The following CCDC6 variants were observed in gnomAD, a reference collection of about 807,000 sequenced individuals.
CCDC6 encodes the protein coiled-coil domain-containing protein 6.
Under a neutral mutation model 56.6 loss-of-function variants are expected in CCDC6, and 20 were observed. The observed-to-expected ratio is 0.35, with a 90% CI of 0.25 to 0.51. CCDC6 has a LOEUF of 0.51. Ranked by LOEUF, CCDC6 falls within the 20% of genes least tolerant of loss-of-function variation. The probability of loss-of-function intolerance (pLI) is 0.95; values close to 1 mark genes in which losing one functional copy is unlikely to be tolerated. For missense variants in CCDC6, 367 were observed against 601.1 expected (o/e 0.61, Z 4.07); for synonymous variants, 241 against 234.4 (o/e 1.03, Z -0.26).
intron 1 of CCDC6, among the ~76,000 whole-genome samples, chr10:59,861,432 C>CAAAAAAAAAA (rs55716341): frequency 1.0e-4 from 9 of 88,928 alleles, no homozygotes; most frequent in Admixed American, 1.4e-4. Context: ...CAAAAATTAC[C>CAAAAAAAAAA]AAAAAAAAAA....
chr10:59,862,345 A>G (rs1170409821), intron 1 of CCDC6, among the ~76,000 whole-genome samples: 2 of 151,482 alleles, frequency 1.3e-5, no homozygotes, highest in Admixed American at 1.3e-4. Context: ...AAAATTAACC[A>G]GGCACGGTGG....
chr10:59,875,503 G>A (rs1429536856), intron 1 of CCDC6, among the ~76,000 whole-genome samples: 1 of 152,098 alleles, frequency 6.6e-6, no homozygotes, highest in Non-Finnish European at 1.5e-5. Context: ...CCTTTTTTAT[G>A]TTTCTATCTG....
At chr10:59,862,540 CACACACACACACACACAT>C (rs2071140809) in intron 1 of CCDC6, among the ~76,000 whole-genome samples, 1 of 112,270 alleles carries the variant, frequency 8.9e-6, no homozygotes, top group South Asian at 3.0e-4. Context: ...CACACACACA[CACACACACACACACACAT>C]ATATATACAC....
chr10:59,845,372 G>A (rs1188017991), intron 2 of CCDC6, among the ~76,000 whole-genome samples: 22 of 114,194 alleles, frequency 1.9e-4, no homozygotes, highest in Non-Finnish European at 3.6e-4. Context: ...TTTTTTTTGG[G>A]ATGTTAGCAC....
Position 59,789,152 on chromosome 10 carries a change from C to T in CCDC6, c.*3765G>A. ...ATGCATTCTTAAACTGTTGTGCCTG[C>T]AACTTTGTTTTTGCCAGGATGAAGT... On this transcript the variant is annotated 3_prime_UTR_variant, in exon 9 of 9. Coordinates refer to ENST00000263102, the MANE Select transcript of CCDC6 (RefSeq NM_005436.5). 4.3e-6 allele frequency: 1 copy of T among 229,928 alleles called. No individual in the cohort carries two copies. Among genetic ancestry groups the T allele is most frequent in the Admixed American group, 5.7e-5 (1 of 17,688 alleles). 14.2% of individuals were successfully genotyped at this position (229,928 alleles called of 1,614,324 possible). A position where few individuals can be genotyped will look rare whatever the true frequency, so the allele number is the denominator to read the frequency against.
At chr10:59,858,807 G>A (rs1318418286) in intron 1 of CCDC6, among the ~76,000 whole-genome samples, 2 of 152,198 alleles carry the variant, frequency 1.3e-5, no homozygotes, top group African/African-American at 2.4e-5. Flanking sequence ...AAATGTTTAC[G>A]CTGGATTTAT....
At chr10:59,880,217 T>A (rs923919201) in intron 1 of CCDC6, among the ~76,000 whole-genome samples, 5 of 152,022 alleles carry the variant, frequency 3.3e-5, no homozygotes, top group African/African-American at 1.2e-4. Context: ...CAGACCACGA[T>A]GACACCGAGA....
intron 1 of CCDC6, among the ~76,000 whole-genome samples, chr10:59,859,193 T>TGCGC (rs1467508196): frequency 1.6e-4 from 19 of 118,134 alleles, no homozygotes; most frequent in African/African-American, 5.8e-4. Context: ...AAAATACATG[T>TGCGC]GTGTGCGTGT....
intron 2 of CCDC6, among the ~76,000 whole-genome samples, chr10:59,843,530 A>G (rs559352758): frequency 2.1e-3 from 324 of 152,338 alleles, no homozygotes; most frequent in African/African-American, 7.0e-3. Flanking sequence ...GCTTTATAGT[A>G]TACGCCCGGT....
intron 3 of CCDC6, among the ~76,000 whole-genome samples, chr10:59,821,952 T>TA (rs947483549): frequency 6.6e-6 from 1 of 152,160 alleles, no homozygotes; most frequent in Admixed American, 6.5e-5. Flanking sequence ...TATCTAATCT[T>TA]AAAAAAACTG....
chr10:59,814,735 G>A lies in CCDC6; in HGVS notation c.603C>T (p.Asp201=), dbSNP rs759605511. 49 of 1,611,282 alleles carry A rather than the reference G, an allele frequency of 3.0e-5. No homozygotes were observed. In the East Asian group the frequency reaches 7.8e-4, roughly 26 times the overall value. Residue 201 remains aspartate, a synonymous_variant, in exon 4 of 9, where the codon GAC becomes GAT. Coordinates refer to ENST00000263102, the MANE Select transcript of CCDC6 (RefSeq NM_005436.5). ...GTTCTTGTTCCAATGTATTTTCAAG[G>A]TCAATCTTCTCCCGTCTCAACTAAA... ...TLEQLRREKI[D]LENTLEQEQE...
chr10:59,798,971 G>A (rs760420048), intron 7 of CCDC6, among the ~76,000 whole-genome samples: 51 of 137,986 alleles, frequency 3.7e-4, no homozygotes, highest in South Asian at 9.2e-4. Context: ...TCCAGCCTGC[G>A]CGACAGAGCA....
chr10:59,797,901 T>A (rs1308712719), intron 7 of CCDC6, among the ~76,000 whole-genome samples: 5 of 152,184 alleles, frequency 3.3e-5, no homozygotes, highest in Admixed American at 6.5e-5. Flanking sequence ...TGTTTTAACA[T>A]CTGTATGTCC....
intron 6 of CCDC6, chr10:59,806,495 C>A (rs1200990224): frequency 1.3e-5 from 2 of 154,196 alleles, no homozygotes; most frequent in African/African-American, 4.8e-5. Context: ...CAACCCCCAC[C>A]TGTGTCCCTA....
chr10:59,871,559 C>T (rs1349733638), intron 1 of CCDC6, among the ~76,000 whole-genome samples: 1 of 151,120 alleles, frequency 6.6e-6, no homozygotes, highest in African/African-American at 2.4e-5. Flanking sequence ...GGGATGGGGC[C>T]CCAAGGTTCC....
At chr10:59,897,988 G>T (rs1227261939) in intron 1 of CCDC6, among the ~76,000 whole-genome samples, 1 of 152,180 alleles carries the variant, frequency 6.6e-6, no homozygotes, top group Non-Finnish European at 1.5e-5. Flanking sequence ...GCACCACAAG[G>T]CTGGATTGAT....
chr10:59,798,668 T>C (rs2070544898), intron 7 of CCDC6, among the ~76,000 whole-genome samples: 1 of 152,198 alleles, frequency 6.6e-6, no homozygotes, highest in Non-Finnish European at 1.5e-5. Flanking sequence ...TTATTTCTTA[T>C]GAAAGTGATT....
chr10:59,814,805 GT>G, intron 3 of CCDC6, 50 bp from the exon 4 acceptor site: 1 of 1,206,106 alleles, frequency 8.3e-7, no homozygotes, highest in Non-Finnish European at 1.2e-6. Context: ...CTTATACTTT[GT>G]TAATACATTT....
At chr10:59,904,005 G>T (rs2071523385) in intron 1 of CCDC6, among the ~76,000 whole-genome samples, 3 of 152,196 alleles carry the variant, frequency 2.0e-5, no homozygotes, top group African/African-American at 7.2e-5. Context: ...AGTAACAACT[G>T]CCAAGTATTA....
Sources: allele counts gnomAD v4.1 joint callset (sites outside exome capture counted in the v4.1 genomes callset), GRCh38; gene constraint gnomAD v4.1.1; transcripts MANE v1.5; gene names NCBI Gene and HGNC (gene_info 2026-07-23, HGNC 2026-07-21).